Variants in DOCK8 observed in about 807,000 individuals in gnomAD.
The protein encoded by DOCK8 is dedicator of cytokinesis 8.
A neutral mutation model predicts 245.6 loss-of-function variants in DOCK8; 141 were observed. The ratio of observed to expected loss-of-function variants is 0.57; its 90% CI spans 0.50 to 0.66. The LOEUF is 0.66. Ranked by LOEUF, DOCK8 falls within the 30% of genes least tolerant of loss-of-function variation. DOCK8 has a pLI of 0.00. For synonymous variants in DOCK8, 1,168 were observed against 970.2 expected (o/e 1.20, Z -3.79); for missense variants, 2,965 against 2,603.4 (o/e 1.14, Z -3.02).
rs1290285606 is a variant in DOCK8, at chr9:379,756, C to T, written c.2441-15C>T. On this transcript the variant is annotated splice_polypyrimidine_tract_variant and intron_variant, in intron 20 of 47. Transcript: ENST00000432829. ...ACCAGCTGTGGGACTACCCATTTTT[C>T]TCTTGGTTCCTCAGCCAACTTCTCC... is the stretch of plus-strand genomic sequence containing the variant. 5 of 1,614,044 alleles carry T rather than the reference C, an allele frequency of 3.1e-6. No homozygotes were observed. Among genetic ancestry groups the T allele is most frequent in the Non-Finnish European group, 4.2e-6 (5 of 1,180,022 alleles).
intron 10 of DOCK8, 118 bp from the exon 11 acceptor site, chr9:334,107 T>G (rs2051189888): frequency 5.3e-6 from 6 of 1,129,152 alleles, no homozygotes; most frequent in Non-Finnish European, 7.8e-6. Context: ...GAAGATATGT[T>G]TTTACTCTTT....
At chr9:392,835 C>T (rs548391708) in intron 24 of DOCK8, among the ~76,000 whole-genome samples, 90 of 152,086 alleles carry the variant, frequency 5.9e-4, no homozygotes, top group African/African-American at 2.1e-3. Context: ...AAAACCGTCA[C>T]CCCATGCCCT....
chr9:273,251 T>G (rs2048216224), intron 2 of DOCK8, among the ~76,000 whole-genome samples: 1 of 152,206 alleles, frequency 6.6e-6, no homozygotes, highest in African/African-American at 2.4e-5. Flanking sequence ...ACTTATGACT[T>G]CAGTGGCTTG....
intron 47 of DOCK8, 120 bp downstream of exon 47, chr9:463,807 G>T: frequency 8.3e-7 from 1 of 1,199,628 alleles, no homozygotes; most frequent in East Asian, 2.5e-5. Context: ...GGGTGGAAGA[G>T]GGTCCCACAG....
chr9:257,993 A>G (rs2047821301), intron 1 of DOCK8, among the ~76,000 whole-genome samples: 1 of 152,204 alleles, frequency 6.6e-6, no homozygotes, highest in Non-Finnish European at 1.5e-5. Context: ...AAAATACAAC[A>G]ACAATTACCT....
intron 46 of DOCK8, among the ~76,000 whole-genome samples, chr9:455,340 C>CAA (rs79110839): frequency 6.6e-5 from 10 of 151,762 alleles, no homozygotes; most frequent in East Asian, 2.0e-4. Context: ...TAAAAAAATA[C>CAA]AAAAAAATAC....
rs776159437 is a variant in DOCK8, at chr9:334,424, A to G, written c.1285+40A>G. 1.2e-5 allele frequency: 20 copies of G among 1,604,418 alleles called. No individual in the cohort carries two copies. In the East Asian group the frequency reaches 1.3e-4, roughly 11 times the overall value. Reference sequence around the variant, plus strand: ...TGCAGTGGGAAAGGGAGGGCTCCCCAGTGTGCGCTGCCCAGGTCCACAGCT... The same window carrying G: ...TGCAGTGGGAAAGGGAGGGCTCCCCGGTGTGCGCTGCCCAGGTCCACAGCT... On this transcript the variant is annotated intron_variant, in intron 11 of 47. Coordinates refer to ENST00000432829, the MANE Select transcript of DOCK8 (RefSeq NM_203447.4).
chr9:237,181 T>C (rs1195616444), intron 1 of DOCK8, among the ~76,000 whole-genome samples: 1 of 152,238 alleles, frequency 6.6e-6, no homozygotes, highest in Non-Finnish European at 1.5e-5. Context: ...GTCTGATAGA[T>C]AAAAACTGTG....
intron 46 of DOCK8, among the ~76,000 whole-genome samples, chr9:455,397 T>G (rs2057603714): frequency 6.6e-6 from 1 of 152,008 alleles, no homozygotes; most frequent in Non-Finnish European, 1.5e-5. Flanking sequence ...TAGTCCCAGC[T>G]ACTCGAGAGG....
chr9:302,952 A>T (rs183190756), intron 4 of DOCK8, among the ~76,000 whole-genome samples: 407 of 151,978 alleles, frequency 2.7e-3, no homozygotes, highest in Non-Finnish European at 4.8e-3. Context: ...ATGTAGCAAG[A>T]CTGTGTCTCT....
chr9:233,419 G>C (rs2047165737), intron 1 of DOCK8, among the ~76,000 whole-genome samples: 1 of 152,178 alleles, frequency 6.6e-6, no homozygotes, highest in Non-Finnish European at 1.5e-5. Context: ...AGGTCTGCTT[G>C]GTGCAGAGCT....
chr9:330,361 T>G (rs1034890882), intron 9 of DOCK8, among the ~76,000 whole-genome samples: 1 of 152,182 alleles, frequency 6.6e-6, no homozygotes, highest in Non-Finnish European at 1.5e-5. Flanking sequence ...GGCCACATAG[T>G]TTGAGAAAAC....
In DOCK8 at chr9:293,383, C is replaced by G. The variant is rs77431237; in HGVS notation, c.404+3802C>G. ...ATGTCCTTCATCTCCCAACCTCACA[C>G]AGTACATTTTTAGCTTATTGTTTTC... On this transcript the variant is annotated intron_variant, in intron 4 of 47. Transcript: ENST00000432829. 6.8e-3 allele frequency among the ~76,000 whole-genome samples: 1,030 copies of G among 152,350 alleles called. 17 individuals are homozygous for G. The highest frequency in any genetic ancestry group is 0.024 in the African/African-American group (980 of 41,562).
intron 8 of DOCK8, among the ~76,000 whole-genome samples, chr9:327,755 A>G (rs1216515518): frequency 6.6e-6 from 1 of 152,192 alleles, no homozygotes; most frequent in East Asian, 1.9e-4. Flanking sequence ...TTCTGTAGTG[A>G]AGTAACTGAT....
At chr9:316,652 A>G (rs557854804) in intron 6 of DOCK8, among the ~76,000 whole-genome samples, 17 of 152,364 alleles carry the variant, frequency 1.1e-4, no homozygotes, top group African/African-American at 4.1e-4. Context: ...CATACTTACT[A>G]GTAAAGCCCT....
intron 4 of DOCK8, among the ~76,000 whole-genome samples, chr9:294,234 G>A (rs967566213): frequency 6.6e-6 from 1 of 152,124 alleles, no homozygotes; most frequent in Non-Finnish European, 1.5e-5. Context: ...TTTCATAATT[G>A]CAAATAATAC....
intron 40 of DOCK8, among the ~76,000 whole-genome samples, chr9:440,162 G>A (rs547902256): frequency 6.6e-6 from 1 of 152,214 alleles, no homozygotes; most frequent in East Asian, 1.9e-4. Context: ...GGGATTACAG[G>A]TGTGCACCAC....
intron 43 of DOCK8, among the ~76,000 whole-genome samples, chr9:443,851 G>A (rs1304351315): frequency 6.6e-6 from 1 of 152,150 alleles, no homozygotes; most frequent in African/African-American, 2.4e-5. Flanking sequence ...AGACATGGAA[G>A]AGTCAAGCAA....
At chr9:394,196 G>T (rs1436181898) in intron 24 of DOCK8, among the ~76,000 whole-genome samples, 2 of 152,064 alleles carry the variant, frequency 1.3e-5, no homozygotes, top group African/African-American at 4.8e-5. Context: ...AGGTTAAGGG[G>T]GCCTGAGTGA....
Sources: gnomAD v4.1 joint callset for allele counts (sites outside exome capture counted in the v4.1 genomes callset) on GRCh38, gnomAD v4.1.1 for gene constraint, MANE v1.5 for transcripts, NCBI Gene and HGNC (gene_info 2026-07-23, HGNC 2026-07-21) for gene names.